NEMF: variants seen among roughly 807,000 people sequenced by gnomAD.
NEMF encodes the protein nuclear export mediator factor.
NEMF carries 89 observed loss-of-function variants against 162.2 expected under a neutral mutation model. The observed-to-expected ratio is 0.55, with a 90% confidence interval of 0.46 to 0.65. The LOEUF is 0.65. Ranked by LOEUF, NEMF falls within the 30% of genes least tolerant of loss-of-function variation. NEMF has a pLI of 0.00. For synonymous variants in NEMF, 421 were observed against 404.5 expected (o/e 1.04, Z -0.49); for missense variants, 1,133 against 1,261.9 (o/e 0.90, Z 1.55).
chr14:49,828,517 T>G (rs1892474322), intron 14 of NEMF, 99 bp downstream of exon 14: 1 of 1,055,692 alleles, frequency 9.5e-7, no homozygotes, highest in East Asian at 2.5e-5. Context: ...AAAAAAAGTA[T>G]GCATGTACAA....
chr14:49,806,709 T>C (rs563180379), intron 18 of NEMF, among the ~76,000 whole-genome samples: 15 of 152,282 alleles, frequency 9.9e-5, no homozygotes, highest in Admixed American at 9.8e-4. Flanking sequence ...AGAAGAAATA[T>C]CCTCTCACAT....
chr14:49,852,241 G>A (rs979494235), intron 1 of NEMF, among the ~76,000 whole-genome samples: 1 of 152,130 alleles, frequency 6.6e-6, no homozygotes, highest in Non-Finnish European at 1.5e-5. Context: ...ATAGAATCCA[G>A]ACTAGAATCC....
chr14:49,816,129 C>T (rs1891706776), intron 16 of NEMF, among the ~76,000 whole-genome samples: 1 of 152,140 alleles, frequency 6.6e-6, no homozygotes, highest in African/African-American at 2.4e-5. Context: ...TTATCCCAAT[C>T]TTCTCTTTTT....
At chr14:49,817,313 G>A (rs1296778355) in intron 16 of NEMF, among the ~76,000 whole-genome samples, 12 of 152,072 alleles carry the variant, frequency 7.9e-5, no homozygotes, top group Non-Finnish European at 8.8e-5. Flanking sequence ...CATGGTGGTG[G>A]GCGCCTGTAA....
intron 18 of NEMF, among the ~76,000 whole-genome samples, chr14:49,807,723 A>T (rs969029132): frequency 6.6e-6 from 1 of 150,634 alleles, no homozygotes; most frequent in African/African-American, 2.4e-5. Flanking sequence ...CCTCCTGAGT[A>T]GCTGGGATTA....
chr14:49,852,735 T>C lies in NEMF; in HGVS notation c.19A>G (p.Thr7Ala). The C allele has an allele frequency of 6.2e-7, 1 of 1,614,220 alleles. No individual in the cohort carries two copies. The highest frequency in any genetic ancestry group is 8.5e-7 in the Non-Finnish European group (1 of 1,180,044). The change falls in exon 1 of 33, where the codon ACC becomes GCC. Residue 7 changes from threonine to alanine, a missense_variant. By Grantham distance (58) the Thr-to-Ala change is moderately conservative. Coordinates refer to ENST00000298310, the MANE Select transcript of NEMF (RefSeq NM_004713.6). Reference protein sequence around the residue: MKSRFSTIDLRAVLAEL... With the variant: MKSRFSAIDLRAVLAEL... ...GCGAGTACGGCGCGGAGGTCAATGG[T>C]GCTAAAGCGGCTCTTCATGGCGAGG...
chr14:49,842,250 A>G (rs1893251477), intron 4 of NEMF, among the ~76,000 whole-genome samples: 1 of 152,046 alleles, frequency 6.6e-6, no homozygotes. Flanking sequence ...AAACAATGTT[A>G]GAAAAAAAGG....
At chr14:49,847,182 C>A (rs1893545335) in intron 3 of NEMF, among the ~76,000 whole-genome samples, 1 of 151,664 alleles carries the variant, frequency 6.6e-6, no homozygotes, top group South Asian at 2.1e-4. Context: ...CTGTGCCCAG[C>A]CAACCTTTAC....
At chr14:49,824,917 TTAGA>T (rs1414856792) in intron 16 of NEMF, among the ~76,000 whole-genome samples, 1 of 152,160 alleles carries the variant, frequency 6.6e-6, no homozygotes, top group Non-Finnish European at 1.5e-5. Context: ...TGTACGATGC[TTAGA>T]GAGAACCAAT....
rs1890327967 is a variant in NEMF, at chr14:49,789,223, T to C, written c.2818A>G (p.Lys940Glu). 1 of 1,614,148 alleles carries C rather than the reference T, an allele frequency of 6.2e-7. No homozygotes were observed. Among genetic ancestry groups the C allele is most frequent in the African/African-American group, 1.3e-5 (1 of 75,054 alleles). The change falls in exon 28 of 33, where the codon AAG becomes GAG. Residue 940 changes from lysine (K) to glutamate (E), a missense_variant. Lys to Glu is a moderately conservative substitution (Grantham distance 56). Coordinates refer to ENST00000298310, the MANE Select transcript of NEMF (RefSeq NM_004713.6). ...ACCTCAAGGAACGGAGTTTCTTTCT[T>C]AATGTTGTCAGAGACCCTCTGTCCA... Reference protein sequence around the residue: ...RGGQRVSDNIKKETPFLEVIT... With the variant: ...RGGQRVSDNIEKETPFLEVIT...
At chr14:49,796,884 C>T (rs1339974895) in intron 25 of NEMF, among the ~76,000 whole-genome samples, 1 of 152,194 alleles carries the variant, frequency 6.6e-6, no homozygotes, top group Non-Finnish European at 1.5e-5. Context: ...AAGCACTCCC[C>T]TTTGTTAATG....
rs1893158802 is a variant in NEMF at position 49,840,712 on chromosome 14, C to T, written c.506+6G>A. 6.2e-7 allele frequency: 1 copy of T among 1,609,380 alleles called. No homozygotes were observed. The highest frequency in any genetic ancestry group is 1.7e-5 in the Admixed American group (1 of 58,518). On this transcript the variant is annotated splice_donor_region_variant and intron_variant, in intron 5 of 32. Coordinates refer to ENST00000298310, the MANE Select transcript of NEMF (RefSeq NM_004713.6). ...ACGAAATGGGTTTAAAAACAAAACA[C>T]TTTACCTTTCCAAAGTAAGCAAAGG...
In NEMF at chr14:49,852,769, T is replaced by C; in HGVS notation, c.-16A>G. The C allele has an allele frequency of 6.2e-7, 1 of 1,613,982 alleles. No homozygotes were observed. Among genetic ancestry groups the C allele is most frequent in the Non-Finnish European group, 8.5e-7 (1 of 1,179,964 alleles). ...GGCTCTTCATGGCGAGGCCCGAGGG[T>C]CACTACCGCAAGTTCCTCTACTGCC... On this transcript the variant is annotated 5_prime_UTR_variant, in exon 1 of 33. Coordinates refer to ENST00000298310, the MANE Select transcript of NEMF (RefSeq NM_004713.6).
intron 3 of NEMF, among the ~76,000 whole-genome samples, chr14:49,850,667 G>T (rs1893727242): frequency 6.9e-6 from 1 of 145,840 alleles, no homozygotes; most frequent in East Asian, 2.0e-4. Context: ...AAACAAAACA[G>T]AAAAATAAAA....
At chr14:49,795,567 G>T (rs1239313030) in intron 26 of NEMF, among the ~76,000 whole-genome samples, 1 of 152,142 alleles carries the variant, frequency 6.6e-6, no homozygotes, top group Non-Finnish European at 1.5e-5. Flanking sequence ...TACTCTTCCA[G>T]ATAAAATGAG....
chr14:49,802,586 T>A lies in NEMF; in HGVS notation c.1975-13A>T. ...AAGACTCATCTACCTAAAGAAACAG[T>A]TATTTTTCAGTGACGGAGCTTCAGA... On this transcript the variant is annotated splice_polypyrimidine_tract_variant and intron_variant, in intron 21 of 32. Transcript: ENST00000298310. 2 of 1,612,960 alleles carry A rather than the reference T, an allele frequency of 1.2e-6. No individual in the cohort carries two copies. The highest frequency in any genetic ancestry group is 1.7e-6 in the Non-Finnish European group (2 of 1,179,750).
In NEMF at chr14:49,786,668, C is replaced by G. The variant is rs372176070; in HGVS notation, c.2928+50G>C. The G allele has an allele frequency of 5.4e-5, 82 of 1,521,180 alleles. No individual in the cohort carries two copies. The African/African-American group carries it at 8.5e-4, about 16-fold the overall frequency. 94.2% of individuals were successfully genotyped at this position (1,521,180 alleles called of 1,614,324 possible). On this transcript the variant is annotated intron_variant, in intron 29 of 32. Transcript: ENST00000298310. ...AGTTGTGTTTCAAACATTCTGGGAA[C>G]TGAATTGTAATCACAGTGTTGTAGT...
At chr14:49,789,720 A>G in intron 26 of NEMF, 147 bp from the exon 27 acceptor site, 1 of 1,168,250 alleles carries the variant, frequency 8.6e-7, no homozygotes, top group Non-Finnish European at 1.2e-6. Context: ...TGAAGGCTAC[A>G]AAGTTGGATA....
At chr14:49,786,091 GT>G (rs1198642982) in intron 29 of NEMF, 1 of 152,800 alleles carries the variant, frequency 6.5e-6, no homozygotes, top group African/African-American at 2.4e-5. Context: ...TCTAGAGATA[GT>G]TTTCGTTGAC....
Sources: allele counts gnomAD v4.1 joint callset (sites outside exome capture counted in the v4.1 genomes callset), GRCh38; gene constraint gnomAD v4.1.1; transcripts MANE v1.5; gene names NCBI Gene and HGNC (gene_info 2026-07-23, HGNC 2026-07-21).